The following MRPS9 variants were observed in gnomAD, a reference collection of about 807,000 sequenced individuals.
MRPS9 encodes small ribosomal subunit protein uS9m.
A neutral mutation model predicts 59.9 loss-of-function variants in MRPS9; 45 were observed. The ratio of observed to expected loss-of-function variants is 0.75; its 90% CI spans 0.59 to 0.96. The LOEUF is 0.96. MRPS9 is among the 40% of genes least tolerant of loss of function. The pLI is 0.00. For missense variants in MRPS9, 473 were observed against 481.1 expected (o/e 0.98, Z 0.16); for synonymous variants, 171 against 166.8 (o/e 1.03, Z -0.19).
chr2:105,087,106 T>C (rs553755304), intron 5 of MRPS9, among the ~76,000 whole-genome samples: 4 of 152,304 alleles, frequency 2.6e-5, no homozygotes, highest in Non-Finnish European at 4.4e-5. Flanking sequence ...GGAGATAAAT[T>C]GTAAACTTTT....
intron 9 of MRPS9, 171 bp from the exon 10 acceptor site, chr2:105,096,984 C>A: frequency 3.4e-6 from 2 of 590,160 alleles, no homozygotes; most frequent in Non-Finnish European, 5.0e-6. Flanking sequence ...TTCAAAATGT[C>A]AGAAATGTTA....
chr2:105,061,599 A>G (rs975022070), intron 2 of MRPS9, among the ~76,000 whole-genome samples: 2 of 152,200 alleles, frequency 1.3e-5, no homozygotes, highest in African/African-American at 4.8e-5. Context: ...CACTACCCGC[A>G]GCAGGTTTAG....
At chr2:105,071,435 A>G in intron 3 of MRPS9, 24 bp from the exon 4 acceptor site, 1 of 1,588,822 alleles carries the variant, frequency 6.3e-7, no homozygotes, top group Non-Finnish European at 8.6e-7. Flanking sequence ...TAATTATCTA[A>G]TACATTATTA....
At chr2:105,078,243 C>T (rs1202916401) in intron 4 of MRPS9, among the ~76,000 whole-genome samples, 2 of 138,308 alleles carry the variant, frequency 1.4e-5, no homozygotes, top group Non-Finnish European at 1.5e-5. Flanking sequence ...TATTTTTTCT[C>T]TTTCTTTGTG....
intron 5 of MRPS9, among the ~76,000 whole-genome samples, chr2:105,081,762 TTTAAG>T (rs1159182528): frequency 1.1e-4 from 16 of 152,222 alleles, no homozygotes; most frequent in African/African-American, 3.9e-4. Flanking sequence ...TTTTGAGTAA[TTTAAG>T]TTTTGTTACG....
rs1573417735 is a variant in MRPS9, at chr2:105,049,279, A to G, written c.244A>G (p.Asn82Asp). Reference sequence around the variant, plus strand: ...TATTAAAAAGCAGATTGAAGAGTTCAACATAGGAAAGAGACATTTAGCCAA... The same window carrying G: ...TATTAAAAAGCAGATTGAAGAGTTCGACATAGGAAAGAGACATTTAGCCAA... ...DFIKKQIEEFNIGKRHLANMM... is the reference protein window; with the variant it reads ...DFIKKQIEEFDIGKRHLANMM... Residue 82 changes from asparagine (N) to aspartate (D), a missense_variant, in exon 2 of 11, where the codon AAC (asparagine) becomes GAC (aspartate). Asn to Asp is a conservative substitution (Grantham distance 23). Transcript: ENST00000258455. 6.2e-7 allele frequency: 1 copy of G among 1,613,100 alleles called. No individual in the cohort carries two copies. The highest frequency in any genetic ancestry group is 8.5e-7 in the Non-Finnish European group (1 of 1,179,682).
chr2:105,097,566 A>T (rs1411590940), intron 10 of MRPS9, among the ~76,000 whole-genome samples: 1 of 152,238 alleles, frequency 6.6e-6, no homozygotes, highest in Non-Finnish European at 1.5e-5. Flanking sequence ...CCCTGCTAAA[A>T]TGTTCAGTTC....
At chr2:105,039,848 G>C (rs1679471222) in intron 1 of MRPS9, among the ~76,000 whole-genome samples, 1 of 152,136 alleles carries the variant, frequency 6.6e-6, no homozygotes, top group Admixed American at 6.5e-5. Flanking sequence ...GATTTCTCCT[G>C]TTACTTTAAT....
chr2:105,080,920 AAAC>A (rs201489121), intron 5 of MRPS9, among the ~76,000 whole-genome samples: 28,792 of 151,362 alleles, frequency 0.19, 2,781 homozygotes, highest in Middle Eastern at 0.34. Context: ...GGAAAAAAAA[AAAC>A]AACCTTCTTT....
At chr2:105,091,265 A>C (rs1437612595) in intron 7 of MRPS9, 3 of 470,784 alleles carry the variant, frequency 6.4e-6, no homozygotes, top group Non-Finnish European at 1.3e-5. Flanking sequence ...GTGGTCAGTG[A>C]CTTCTTGACC....
At chr2:105,057,978 A>G (rs1679826707) in intron 2 of MRPS9, among the ~76,000 whole-genome samples, 1 of 152,210 alleles carries the variant, frequency 6.6e-6, no homozygotes, top group African/African-American at 2.4e-5. Flanking sequence ...GAAGTCTACC[A>G]ATTACTTTTT....
intron 9 of MRPS9, 152 bp from the exon 10 acceptor site, chr2:105,097,003 A>C (rs894493692): frequency 1.4e-6 from 1 of 698,740 alleles, no homozygotes; most frequent in Non-Finnish European, 2.1e-6. Context: ...TAGTGTTTCT[A>C]TATCTTGGTA....
intron 5 of MRPS9, among the ~76,000 whole-genome samples, chr2:105,084,564 T>C (rs1348432767): frequency 6.6e-6 from 1 of 152,182 alleles, no homozygotes; most frequent in African/African-American, 2.4e-5. Flanking sequence ...GTCTAGATCC[T>C]CTTTGTGACC....
chr2:105,061,811 C>T (rs112358525), intron 2 of MRPS9, among the ~76,000 whole-genome samples: 14 of 152,096 alleles, frequency 9.2e-5, no homozygotes, highest in Non-Finnish European at 1.9e-4. Context: ...TCAGGTGGAC[C>T]CTCCTAGAAC....
At position 105,097,218 on chromosome 2, in the gene MRPS9, A is replaced by T; in HGVS notation, c.993A>T (p.Thr331=). 6.2e-7 allele frequency: 1 copy of T among 1,611,514 alleles called. No homozygotes were observed. ...DRLGKHDVTC[T]VSGGGRSAQA... ...TGGGAAAGCACGACGTGACCTGCAC[A>T]GTCTCAGGGGGCGGGAGGTCAGCGC... Residue 331 remains threonine (T), a synonymous_variant, in exon 10 of 11, where the codon ACA becomes ACT. Transcript: ENST00000258455.
chr2:105,049,518 G>A (rs769375411), intron 2 of MRPS9, among the ~76,000 whole-genome samples, 168 bp downstream of exon 2: 1 of 152,160 alleles, frequency 6.6e-6, no homozygotes, highest in Admixed American at 6.5e-5. Flanking sequence ...AGACAAATGT[G>A]CAGGATTTAC....
At chr2:105,097,018 GGATT>G in intron 9 of MRPS9, 133 bp from the exon 10 acceptor site, 1 of 803,222 alleles carries the variant, frequency 1.2e-6, no homozygotes, top group Non-Finnish European at 1.7e-6. Flanking sequence ...TTGGTAAAAT[GGATT>G]GATTGAGAAG....
At chr2:105,077,244 C>CAA (rs56216293) in intron 4 of MRPS9, among the ~76,000 whole-genome samples, 3 of 115,502 alleles carry the variant, frequency 2.6e-5, no homozygotes, top group Middle Eastern at 0.011. Flanking sequence ...GACTCCATCT[C>CAA]AAAAAAAAAA....
chr2:105,063,137 GGC>G lies in MRPS9; in HGVS notation c.316-8175_316-8174del, dbSNP rs1360570388. ...AAAACAGCAATGGGCAAGGTGCCGT[GGC>G]ACATGCTGTAGTCTCAGCTCCTTGG... On this transcript the variant is annotated intron_variant, in intron 2 of 10. Coordinates refer to ENST00000258455, the MANE Select transcript of MRPS9 (RefSeq NM_182640.3). 3.9e-5 allele frequency among the ~76,000 whole-genome samples: 6 copies of G among 152,298 alleles called. No individual in the cohort carries two copies. In the South Asian group the frequency reaches 6.2e-4, roughly 16 times the overall value.
Sources: gnomAD v4.1 joint callset for allele counts (sites outside exome capture counted in the v4.1 genomes callset) on GRCh38, gnomAD v4.1.1 for gene constraint, MANE v1.5 for transcripts, NCBI Gene and HGNC (gene_info 2026-07-23, HGNC 2026-07-21) for gene names.